The following SNAP25 variants were observed in gnomAD, a reference collection of about 807,000 sequenced individuals.
SNAP25 encodes the protein synaptosome associated protein 25.
In SNAP25, 3 loss-of-function variants were observed where a neutral mutation model predicts 28.7. That is an observed-to-expected ratio of 0.10 (90% CI 0.05 to 0.27). The LOEUF (loss-of-function observed/expected upper bound fraction) is 0.27. Ranked by LOEUF, SNAP25 falls within the 10% of genes least tolerant of loss-of-function variation. SNAP25 has a pLI of 1.00. For synonymous variants in SNAP25, 61 were observed against 88.1 expected, an observed-to-expected ratio of 0.69 and a Z score of 1.72; for missense variants, 117 against 278.7, an observed-to-expected ratio of 0.42 and a Z score of 4.13.
At chr20:10,254,370 C>A (rs942431658) in intron 1 of SNAP25, among the ~76,000 whole-genome samples, 3 of 152,178 alleles carry the variant, frequency 2.0e-5, no homozygotes, top group Non-Finnish European at 2.9e-5. Flanking sequence ...TGCTGGCACA[C>A]CCCCCTTGCT....
At chr20:10,262,960 G>T (rs1280437469) in intron 1 of SNAP25, among the ~76,000 whole-genome samples, 1 of 150,236 alleles carries the variant, frequency 6.7e-6, no homozygotes, top group Non-Finnish European at 1.5e-5. Context: ...AAGCTCCCAG[G>T]TACTTGCTGC....
At chr20:10,267,180 T>C (rs1440518283) in intron 1 of SNAP25, among the ~76,000 whole-genome samples, 3 of 152,136 alleles carry the variant, frequency 2.0e-5, no homozygotes, top group African/African-American at 2.4e-5. Flanking sequence ...TTTAAAACTA[T>C]ATAGAAATAA....
At chr20:10,252,195 G>A (rs1440818446) in intron 1 of SNAP25, among the ~76,000 whole-genome samples, 1 of 152,180 alleles carries the variant, frequency 6.6e-6, no homozygotes, top group Non-Finnish European at 1.5e-5. Flanking sequence ...TCACATGAAT[G>A]TATAGTGACT....
At chr20:10,295,758 T>G (rs1345981836) in intron 5 of SNAP25, among the ~76,000 whole-genome samples, 1 of 152,230 alleles carries the variant, frequency 6.6e-6, no homozygotes, top group Non-Finnish European at 1.5e-5. Flanking sequence ...TGGTTTCTAC[T>G]ATGTAAAGAA....
At position 10,307,366 on chromosome 20, in the gene SNAP25, A is replaced by G. The variant is rs747393754; in HGVS notation, c.*1169A>G. ...CTCCTGTCTCCTCTGTCAGTTTGTG[A>G]AGTGATTGACATTTTGTAGCTAGTT... On this transcript the variant is annotated 3_prime_UTR_variant, in exon 8 of 8. Coordinates refer to ENST00000254976, the MANE Select transcript of SNAP25 (RefSeq NM_130811.4). 9 of 152,588 alleles carry G rather than the reference A, an allele frequency of 5.9e-5. No homozygotes were observed. The highest frequency in any genetic ancestry group is 1.3e-4 in the Admixed American group (2 of 15,276). 9.5% of individuals were successfully genotyped at this position (152,588 alleles called of 1,614,324 possible).
At chr20:10,300,309 A>G (rs1025118048) in intron 7 of SNAP25, among the ~76,000 whole-genome samples, 3 of 152,202 alleles carry the variant, frequency 2.0e-5, no homozygotes, top group African/African-American at 4.8e-5. Flanking sequence ...CATAATTTAT[A>G]TTTCCATGTT....
At chr20:10,244,520 G>A (rs563389913) in intron 1 of SNAP25, among the ~76,000 whole-genome samples, 1 of 152,194 alleles carries the variant, frequency 6.6e-6, no homozygotes, top group East Asian at 1.9e-4. Flanking sequence ...TTACCTAAAG[G>A]CACACAGCCA....
Position 10,296,939 on chromosome 20 carries a change from A to T in SNAP25, c.296A>T (p.Asp99Val), listed in dbSNP as rs745741842. 20 of 1,614,066 alleles carry T rather than the reference A, an allele frequency of 1.2e-5. No homozygotes were observed. The highest frequency in any genetic ancestry group is 1.7e-5 in the Admixed American group (1 of 60,002). ...CTTTTGCATAGGCTTAAATCAAGTG[A>T]TGCTTACAAAAAAGCCTGGGGCAAT... ...VCPCNKLKSS[D>V]AYKKAWGNNQ... Residue 99 changes from aspartate (D) to valine (V), a missense_variant, in exon 6 of 8, where the codon GAT becomes GTT. Asp to Val is a radical substitution (Grantham distance 152, BLOSUM62 -3). Coordinates refer to ENST00000254976, the MANE Select transcript of SNAP25 (RefSeq NM_130811.4).
chr20:10,297,568 A>G (rs1444609043), intron 6 of SNAP25, among the ~76,000 whole-genome samples: 1 of 152,240 alleles, frequency 6.6e-6, no homozygotes, highest in Non-Finnish European at 1.5e-5. Flanking sequence ...AGCTAGCAAT[A>G]GCAGGAAGTT....
chr20:10,225,272 G>A (rs985514223), intron 1 of SNAP25, among the ~76,000 whole-genome samples: 1 of 151,130 alleles, frequency 6.6e-6, no homozygotes, highest in African/African-American at 2.4e-5. Context: ...ACAACCTACT[G>A]CAGATTTCAA....
At position 10,293,376 on chromosome 20, in the gene SNAP25, T is replaced by C; in HGVS notation, c.281+98T>C. On this transcript the variant is annotated intron_variant, in intron 5 of 7. Transcript: ENST00000254976. This position sits in a 1 kb window ranked among gnomAD's most constrained non-coding sequence, Gnocchi z 5.6. ...GCCAAGCTCATAGGCAGGATGAGCATGTGGCATGCAGAACAGATCAATACC... is the reference window on the plus strand; with the variant it reads ...GCCAAGCTCATAGGCAGGATGAGCACGTGGCATGCAGAACAGATCAATACC... 1.2e-6 allele frequency: 1 copy of C among 867,580 alleles called. No homozygotes were observed. Among genetic ancestry groups the C allele is most frequent in the Non-Finnish European group, 1.9e-6 (1 of 514,840 alleles). 53.7% of individuals were successfully genotyped at this position (867,580 alleles called of 1,614,324 possible).
intron 4 of SNAP25, among the ~76,000 whole-genome samples, chr20:10,288,337 G>A (rs977133528): frequency 1.3e-5 from 2 of 151,722 alleles, no homozygotes; most frequent in South Asian, 2.1e-4. Flanking sequence ...TTTTCCCCCC[G>A]AACAATAAAG....
At chr20:10,254,267 T>C (rs567077283) in intron 1 of SNAP25, among the ~76,000 whole-genome samples, 2 of 152,202 alleles carry the variant, frequency 1.3e-5, no homozygotes, top group African/African-American at 2.4e-5. Context: ...CTGACTGACA[T>C]AGAAGTGCGC....
intron 1 of SNAP25, among the ~76,000 whole-genome samples, chr20:10,235,501 T>C (rs2122698409): frequency 6.6e-6 from 1 of 152,298 alleles, no homozygotes; most frequent in Non-Finnish European, 1.5e-5. Context: ...CTCTCCTGAA[T>C]CCCTGTGGGT....
At chr20:10,240,399 AGG>A (rs2063004730) in intron 1 of SNAP25, among the ~76,000 whole-genome samples, 2 of 152,198 alleles carry the variant, frequency 1.3e-5, no homozygotes, top group African/African-American at 4.8e-5. Context: ...TTATACACGC[AGG>A]ATCCATTTAC....
intron 4 of SNAP25, among the ~76,000 whole-genome samples, chr20:10,292,320 A>G (rs979359553): frequency 1.3e-5 from 2 of 152,156 alleles, no homozygotes; most frequent in Admixed American, 6.5e-5. Flanking sequence ...CATATGCACA[A>G]TCAAGTGCAG....
In SNAP25 at chr20:10,293,130, C is replaced by G. The variant is rs1476195909; in HGVS notation, c.164-31C>G. The G allele has an allele frequency of 1.3e-6, 2 of 1,578,768 alleles. No individual in the cohort carries two copies. Among genetic ancestry groups the G allele is most frequent in the Non-Finnish European group, 8.7e-7 (1 of 1,152,836 alleles). On this transcript the variant is annotated intron_variant, in intron 4 of 7. Transcript: ENST00000254976. This position sits in a 1 kb window ranked among gnomAD's most constrained non-coding sequence, Gnocchi z 5.6. ...TTTGTCCTTTTCCATCTGCTTCATT[C>G]TGTGGGGATAAAATACTTGTGTTTA...
intron 1 of SNAP25, among the ~76,000 whole-genome samples, chr20:10,264,378 C>A (rs1438533926): frequency 1.3e-5 from 2 of 152,098 alleles, no homozygotes; most frequent in Non-Finnish European, 1.5e-5. Flanking sequence ...AATAGATTAG[C>A]CAAGCTTGAA....
intron 6 of SNAP25, among the ~76,000 whole-genome samples, chr20:10,297,488 G>A (rs762645540): frequency 7.9e-5 from 12 of 152,170 alleles, no homozygotes; most frequent in Non-Finnish European, 1.5e-4. Context: ...TAATTGAATA[G>A]AGCTTATAAA....
Sources: gnomAD v4.1 joint callset for allele counts (sites outside exome capture counted in the v4.1 genomes callset) on GRCh38, gnomAD v4.1.1 for gene constraint, Gnocchi (gnomAD v3.1) non-coding constraint, MANE v1.5 for transcripts, NCBI Gene and HGNC (gene_info 2026-07-23, HGNC 2026-07-21) for gene names.